The following CUX2 variants were observed in gnomAD, a reference collection of about 807,000 sequenced individuals.
CUX2 encodes homeobox protein cut-like 2.
CUX2 carries 40 observed loss-of-function variants against 144.8 expected under a neutral mutation model. The observed-to-expected ratio is 0.28, with a 90% confidence interval of 0.21 to 0.36. CUX2 has a LOEUF of 0.36. Ranked by LOEUF, CUX2 falls within the 10% of genes least tolerant of loss-of-function variation. CUX2 has a pLI of 1.00. For missense variants in CUX2, 1,615 were observed against 1,994.0 expected (o/e 0.81, Z 3.62); for synonymous variants, 827 against 875.6 (o/e 0.94, Z 0.98).
rs532390631 is a variant in CUX2, at chr12:111,301,576, G to A, written c.754-2634G>A. Among the ~76,000 whole-genome samples, 491 of 151,922 alleles carry A rather than the reference G, an allele frequency of 3.2e-3. 5 individuals are homozygous for A. The highest frequency in any genetic ancestry group is 0.012 in the African/African-American group (477 of 41,428). On this transcript the variant is annotated intron_variant, in intron 9 of 21. Transcript: ENST00000261726. Reference sequence around the variant, plus strand: ...TCTGTCACCCAGACTGGAGTGCTGTGGCAAGATCCTAGCTTACTGCAGCCT... The same window carrying A: ...TCTGTCACCCAGACTGGAGTGCTGTAGCAAGATCCTAGCTTACTGCAGCCT...
At chr12:111,299,974 G>A (rs1886206695) in intron 9 of CUX2, among the ~76,000 whole-genome samples, 2 of 152,158 alleles carry the variant, frequency 1.3e-5, no homozygotes, top group Admixed American at 6.5e-5. Context: ...GACTTCCCCG[G>A]CTCAGGTGAT....
chr12:111,157,772 TGA>T (rs1956800165), intron 1 of CUX2, among the ~76,000 whole-genome samples: 1 of 152,134 alleles, frequency 6.6e-6, no homozygotes, highest in South Asian at 2.1e-4. Flanking sequence ...CTTAGGTTGA[TGA>T]GAGGGAGTGG....
intron 1 of CUX2, among the ~76,000 whole-genome samples, chr12:111,189,520 G>T (rs1879750977): frequency 6.6e-6 from 1 of 152,252 alleles, no homozygotes; most frequent in Admixed American, 6.5e-5. Flanking sequence ...TGTTGTGGTA[G>T]TTGATTCATG....
intron 9 of CUX2, 151 bp downstream of exon 9, chr12:111,298,740 G>A (rs1185625319): frequency 1.3e-5 from 12 of 916,528 alleles, no homozygotes; most frequent in Non-Finnish European, 1.6e-5. Context: ...GCCAGGAGGA[G>A]TCTGGGCCCC....
Position 111,059,312 on chromosome 12 carries a change from A to G in CUX2, c.63+25072A>G, listed in dbSNP as rs1169198584. ...TCTGGAATTGGGCCCAGTCTCTGAA[A>G]AAATGTGCAGACTCCACACGGAGCA... On this transcript the variant is annotated intron_variant, in intron 1 of 21. Coordinates refer to ENST00000261726, the MANE Select transcript of CUX2 (RefSeq NM_015267.4). The surrounding 1 kb of genome is among the most constrained non-coding windows in gnomAD (Gnocchi z 5.3). 6.6e-6 allele frequency among the ~76,000 whole-genome samples: 1 copy of G among 152,170 alleles called. No individual in the cohort carries two copies. The highest frequency in any genetic ancestry group is 1.5e-5 in the Non-Finnish European group (1 of 68,024).
chr12:111,199,249 G>A (rs1340295258), intron 1 of CUX2, among the ~76,000 whole-genome samples: 2 of 152,124 alleles, frequency 1.3e-5, no homozygotes, highest in Non-Finnish European at 2.9e-5. Context: ...GGAGAGGCAC[G>A]CTGACTTGCC....
intron 2 of CUX2, 38 bp from the exon 3 acceptor site, chr12:111,217,852 T>C (rs1881633308): frequency 1.2e-6 from 2 of 1,613,012 alleles, no homozygotes; most frequent in Non-Finnish European, 1.7e-6. Context: ...GCGTCCCACC[T>C]GGCACTGTAG....
chr12:111,314,923 CAT>C (rs148851569), intron 16 of CUX2, among the ~76,000 whole-genome samples: 2,581 of 152,210 alleles, frequency 0.017, 82 homozygotes, highest in African/African-American at 0.058. Context: ...GGAGGGAAGA[CAT>C]GAGTTCAGTT....
rs192789046 is a variant in CUX2 at position 111,125,261 on chromosome 12, C to T, written c.64-88939C>T. Among the ~76,000 whole-genome samples, 228 of 151,802 alleles carry T rather than the reference C, an allele frequency of 1.5e-3. 1 individual carries two copies. The highest frequency in any genetic ancestry group is 5.3e-3 in the African/African-American group (221 of 41,350). On this transcript the variant is annotated intron_variant, in intron 1 of 21. Coordinates refer to ENST00000261726, the MANE Select transcript of CUX2 (RefSeq NM_015267.4). ...GTGGTGTGATCTCAGCTCACTGCAA[C>T]CTCCGCCTCTTGGGTTCAAGCGATT... is the stretch of plus-strand genomic sequence containing the variant.
In CUX2 at chr12:111,039,159, C is replaced by T. The variant is rs558233331; in HGVS notation, c.63+4919C>T. ...GCTGCTTCTGAAAGGGCTGAATTTC[C>T]GGTGGCTTCCTGGCTATCTAATTCA... On this transcript the variant is annotated intron_variant, in intron 1 of 21. Coordinates refer to ENST00000261726, the MANE Select transcript of CUX2 (RefSeq NM_015267.4). This position sits in a 1 kb window ranked among gnomAD's most constrained non-coding sequence, Gnocchi z 4.2. 3.6e-4 allele frequency among the ~76,000 whole-genome samples: 54 copies of T among 152,110 alleles called. No homozygotes were observed. The highest frequency in any genetic ancestry group is 1.1e-3 in the African/African-American group (45 of 41,506).
At chr12:111,110,614 A>G (rs959672456) in intron 1 of CUX2, among the ~76,000 whole-genome samples, 3 of 152,266 alleles carry the variant, frequency 2.0e-5, no homozygotes, top group Non-Finnish European at 4.4e-5. Context: ...ATAGTTAATC[A>G]GAATAGACTT....
intron 3 of CUX2, among the ~76,000 whole-genome samples, chr12:111,241,870 G>GCTGA (rs1883034947): frequency 6.6e-6 from 1 of 152,372 alleles, no homozygotes; most frequent in East Asian, 1.9e-4. Context: ...GATCTCATGA[G>GCTGA]CTGACTCCTT....
At chr12:111,180,114 C>G (rs1441981632) in intron 1 of CUX2, among the ~76,000 whole-genome samples, 1 of 151,554 alleles carries the variant, frequency 6.6e-6, no homozygotes, top group African/African-American at 2.4e-5. Flanking sequence ...CTCCCCCCAC[C>G]TCACCCTGCT....
Position 111,312,624 on chromosome 12 carries a change from C to G in CUX2, c.2002+423C>G, listed in dbSNP as rs999654546. 6.6e-6 allele frequency among the ~76,000 whole-genome samples: 1 copy of G among 151,464 alleles called. No homozygotes were observed. Among genetic ancestry groups the G allele is most frequent in the Non-Finnish European group, 1.5e-5 (1 of 67,860 alleles). On this transcript the variant is annotated intron_variant, in intron 16 of 21. Transcript: ENST00000261726. The surrounding 1 kb of genome is among the most constrained non-coding windows in gnomAD (Gnocchi z 4.3). ...CTGAGGCAGGAGAATTGCTTGAACC[C>G]GGGAGGCGGAGGTTGCAGTGAGCCG...
At chr12:111,342,814 C>T (rs1888632712) in intron 21 of CUX2, among the ~76,000 whole-genome samples, 1 of 151,770 alleles carries the variant, frequency 6.6e-6, no homozygotes, top group South Asian at 2.1e-4. Context: ...CAAAAATTAG[C>T]TGGACGTGGT....
At chr12:111,127,773 C>T (rs769750119) in intron 1 of CUX2, among the ~76,000 whole-genome samples, 2 of 152,194 alleles carry the variant, frequency 1.3e-5, no homozygotes, top group Admixed American at 6.5e-5. Context: ...CACAGTTCCA[C>T]ATGGCTGGGG....
In CUX2 at chr12:111,059,963, C is replaced by T. The variant is rs983116686; in HGVS notation, c.63+25723C>T. ...CCAGGGCTCCATTTAGAATCACTCCCGGGAAATCATGGCAGGGAGGTGGCA... is the reference window on the plus strand; with the variant it reads ...CCAGGGCTCCATTTAGAATCACTCCTGGGAAATCATGGCAGGGAGGTGGCA... On this transcript the variant is annotated intron_variant, in intron 1 of 21. Transcript: ENST00000261726. This position sits in a 1 kb window ranked among gnomAD's most constrained non-coding sequence, Gnocchi z 5.3. Among the ~76,000 whole-genome samples, 25 of 152,084 alleles carry T rather than the reference C, an allele frequency of 1.6e-4. No individual in the cohort carries two copies. Among genetic ancestry groups the T allele is most frequent in the African/African-American group, 6.0e-4 (25 of 41,420 alleles).
At chr12:111,165,459 C>T (rs143370452) in intron 1 of CUX2, among the ~76,000 whole-genome samples, 1 of 152,198 alleles carries the variant, frequency 6.6e-6, no homozygotes, top group African/African-American at 2.4e-5. Flanking sequence ...TCTACCAAGA[C>T]GGTCAGTGTT....
At position 111,345,708 on chromosome 12, in the gene CUX2, C is replaced by T. The variant is rs530189844; in HGVS notation, c.3660-1816C>T. Among the ~76,000 whole-genome samples, 48 of 136,758 alleles carry T rather than the reference C, an allele frequency of 3.5e-4. No homozygotes were observed. In the South Asian group the frequency reaches 9.1e-3, roughly 26 times the overall value. 89.7% of individuals were successfully genotyped at this position (136,758 alleles called of 152,430 possible). On this transcript the variant is annotated intron_variant, in intron 21 of 21. Transcript: ENST00000261726. ...CCAAGATCGCGCCACTGCACTCCAG[C>T]GTGGGTGACAGAGCGAGACTCCGTC...
Sources: allele counts gnomAD v4.1 joint callset (sites outside exome capture counted in the v4.1 genomes callset), GRCh38; gene constraint gnomAD v4.1.1; non-coding constraint Gnocchi (gnomAD v3.1); transcripts MANE v1.5; gene names NCBI Gene and HGNC (gene_info 2026-07-23, HGNC 2026-07-21).